Variants in ZNF138 observed in about 807,000 individuals in gnomAD.
The protein encoded by ZNF138 is zinc finger protein 138.
Under a neutral mutation model 33.0 loss-of-function variants are expected in ZNF138, and 33 were observed. The observed-to-expected ratio is 1.00, with a 90% CI of 0.76 to 1.34. ZNF138 has a LOEUF of 1.34. ZNF138 is among the 40% of genes most tolerant of loss of function. The pLI is 0.00. For synonymous variants in ZNF138, 139 were observed against 120.4 expected, an observed-to-expected ratio of 1.15 and a Z score of -1.01; for missense variants, 360 against 370.8, an observed-to-expected ratio of 0.97 and a Z score of 0.24.
At chr7:64,844,127 TAAG>T in the ZNF138 span, among the ~76,000 whole-genome samples, 1 of 152,292 alleles carries the variant, frequency 6.6e-6, no homozygotes, top group South Asian at 2.1e-4. Flanking sequence ...TGGCCAAGGT[TAAG>T]TTTTTAAAAA....
chr7:64,819,576 C>G (rs1214129516), intron 3 of ZNF138, among the ~76,000 whole-genome samples: 1 of 151,918 alleles, frequency 6.6e-6, no homozygotes, highest in African/African-American at 2.4e-5. Flanking sequence ...ACCATGTTGC[C>G]CAGGGTGATC....
chr7:64,830,475 C>G (rs1427526401), intron 3 of ZNF138, among the ~76,000 whole-genome samples: 2 of 151,638 alleles, frequency 1.3e-5, no homozygotes, highest in Non-Finnish European at 2.9e-5. Context: ...ATTTGTGCAT[C>G]TTTTTTTGTT....
chr7:64,819,455 C>T (rs1788936403), intron 3 of ZNF138, among the ~76,000 whole-genome samples: 1 of 151,156 alleles, frequency 6.6e-6, no homozygotes, highest in Non-Finnish European at 1.5e-5. Context: ...GCAACCTCCA[C>T]CTTTTAGGCT....
At position 64,830,102 on chromosome 7, in the gene ZNF138, C is replaced by T. The variant is rs1290979367; in HGVS notation, c.209-1349C>T. Among the ~76,000 whole-genome samples the T allele has an allele frequency of 2.6e-5, 4 of 152,134 alleles. No individual in the cohort carries two copies. The East Asian group carries it at 7.7e-4, about 29-fold the overall frequency. On this transcript the variant is annotated intron_variant, in intron 3 of 3. Coordinates refer to ENST00000307355, the MANE Select transcript of ZNF138 (RefSeq NM_001271639.2). ...ATTATGTCACACAGTTTTCTTCTGGCCTGCAAAACTTTCATGAAAAATTAA... is the reference window on the plus strand; with the variant it reads ...ATTATGTCACACAGTTTTCTTCTGGTCTGCAAAACTTTCATGAAAAATTAA...
chr7:64,809,018 C>A (rs1388200200), intron 1 of ZNF138, among the ~76,000 whole-genome samples: 4 of 130,994 alleles, frequency 3.1e-5, no homozygotes, highest in African/African-American at 1.1e-4. Context: ...TCCGATTTCT[C>A]AATCTTTTCC....
intron 1 of ZNF138, among the ~76,000 whole-genome samples, chr7:64,810,339 C>T (rs1249663744): frequency 1.2e-4 from 16 of 137,466 alleles, no homozygotes; most frequent in Non-Finnish European, 1.9e-4. Context: ...CGCAGGCACT[C>T]GGCAGGCTGA....
At chr7:64,854,863 A>G in the ZNF138 span, among the ~76,000 whole-genome samples, 1 of 152,342 alleles carries the variant, frequency 6.6e-6, no homozygotes, top group Non-Finnish European at 1.5e-5. Flanking sequence ...TTTCATGGGT[A>G]GGAAAATGCA....
At chr7:64,846,952 T>G in the ZNF138 span, among the ~76,000 whole-genome samples, 1 of 152,210 alleles carries the variant, frequency 6.6e-6, no homozygotes, top group Admixed American at 6.5e-5. Flanking sequence ...CCAATTTTGC[T>G]GAGGGTTTTA....
the ZNF138 span, among the ~76,000 whole-genome samples, chr7:64,850,739 A>G: frequency 1.3e-5 from 2 of 152,168 alleles, no homozygotes; most frequent in East Asian, 3.9e-4. Context: ...TTTTGGTAAA[A>G]TTAAAGCAGT....
chr7:64,825,665 G>C (rs1789546490), intron 3 of ZNF138, among the ~76,000 whole-genome samples: 1 of 151,012 alleles, frequency 6.6e-6, no homozygotes, highest in African/African-American at 2.4e-5. Context: ...TCAGCCTTCT[G>C]AGGAGCTGGG....
chr7:64,807,409 C>G (rs749294485), intron 1 of ZNF138, among the ~76,000 whole-genome samples: 26 of 152,214 alleles, frequency 1.7e-4, no homozygotes, highest in Admixed American at 4.6e-4. Flanking sequence ...ATCTTTGCTT[C>G]CAGGTTACAA....
intron 1 of ZNF138, among the ~76,000 whole-genome samples, chr7:64,794,948 A>T (rs1489468898): frequency 6.6e-6 from 1 of 152,104 alleles, no homozygotes; most frequent in South Asian, 2.1e-4. Flanking sequence ...CTTTTCCCCT[A>T]TTAAAATTTA....
In ZNF138 at chr7:64,831,559, A is replaced by T. The variant is rs1015385382; in HGVS notation, c.317A>T (p.Gln106Leu). The change falls in exon 4 of 4, where the codon CAG (glutamine) becomes CTG (leucine). Residue 106 changes from glutamine to leucine, a missense_variant. Gln to Leu is a moderately radical substitution (Grantham distance 113, BLOSUM62 -2). Transcript: ENST00000307355. ...GGAAAATATGGACATAAGAATTTAC[A>T]GTTAAGAAAAGGCTGTAAAAGTGTG... ...RYGKYGHKNL[Q>L]LRKGCKSVDE... The T allele has an allele frequency of 6.8e-6, 11 of 1,613,530 alleles. No individual in the cohort carries two copies. The highest frequency in any genetic ancestry group is 7.6e-6 in the Non-Finnish European group (9 of 1,179,836).
At chr7:64,844,625 T>A in the ZNF138 span, among the ~76,000 whole-genome samples, 1 of 152,052 alleles carries the variant, frequency 6.6e-6, no homozygotes, top group East Asian at 1.9e-4. Context: ...TTCCATAGGT[T>A]TCGAGGAACA....
chr7:64,850,962 A>G, the ZNF138 span, among the ~76,000 whole-genome samples: 1 of 152,116 alleles, frequency 6.6e-6, no homozygotes, highest in Non-Finnish European at 1.5e-5. Flanking sequence ...TTAAAAATAT[A>G]TATATTAATA....
the ZNF138 span, among the ~76,000 whole-genome samples, chr7:64,842,980 C>G: frequency 6.6e-6 from 1 of 152,146 alleles, no homozygotes; most frequent in African/African-American, 2.4e-5. Flanking sequence ...TCAAACCCTC[C>G]TTTCTCCTAA....
chr7:64,852,805 A>G, the ZNF138 span: 1 of 846,748 alleles, frequency 1.2e-6, no homozygotes, highest in South Asian at 1.3e-5. Context: ...CTGGCATGAT[A>G]AATTCACTGG....
intron 1 of ZNF138, chr7:64,813,960 A>G (rs1788401086): frequency 8.0e-6 from 8 of 999,352 alleles, no homozygotes; most frequent in Non-Finnish European, 9.9e-6. Flanking sequence ...GCTGATGTGG[A>G]TAAACCATCA....
chr7:64,848,013 G>C, the ZNF138 span, among the ~76,000 whole-genome samples: 5 of 151,882 alleles, frequency 3.3e-5, no homozygotes, highest in Non-Finnish European at 7.4e-5. Flanking sequence ...TCAATATTTT[G>C]AGCTCTTTTT....
Sources: allele counts gnomAD v4.1 joint callset (sites outside exome capture counted in the v4.1 genomes callset), GRCh38; gene constraint gnomAD v4.1.1; transcripts MANE v1.5; gene names NCBI Gene and HGNC (gene_info 2026-07-23, HGNC 2026-07-21).